The following POLA1 variants were observed in gnomAD, a reference collection of about 807,000 sequenced individuals.
POLA1 encodes DNA polymerase alpha catalytic subunit.
A neutral mutation model predicts 124.0 loss-of-function variants in POLA1; 15 were observed. The ratio of observed to expected loss-of-function variants is 0.12; its 90% CI spans 0.08 to 0.19. The LOEUF (loss-of-function observed/expected upper bound fraction) is 0.19. Among genes scored for constraint, POLA1 ranks in the 10% least tolerant of loss-of-function variants. The pLI is 1.00. For missense variants in POLA1, 886 were observed against 1,103.4 expected (o/e 0.80, Z 2.79); for synonymous variants, 408 against 389.4 (o/e 1.05, Z -0.56).
chrX:24,793,813 G>T (rs1336680214), intron 26 of POLA1, among the ~76,000 whole-genome samples: 1 of 110,261 alleles, frequency 9.1e-6, no homozygotes, highest in Non-Finnish European at 1.9e-5. Flanking sequence ...TTGAACTCCT[G>T]ACCTCAGGTG....
chrX:24,958,050 G>A (rs1482937949), intron 36 of POLA1, among the ~76,000 whole-genome samples: 2 of 110,720 alleles, frequency 1.8e-5, no homozygotes, highest in Non-Finnish European at 3.8e-5. Context: ...AGCCTCAGCT[G>A]TATATTGGGA....
At chrX:24,903,909 CTTT>C (rs1174353237) in intron 35 of POLA1, among the ~76,000 whole-genome samples, 1 of 95,950 alleles carries the variant, frequency 1.0e-5, no homozygotes, top group Non-Finnish European at 2.1e-5. Flanking sequence ...GACCAGATTT[CTTT>C]TTTTTTTTTC....
chrX:24,876,591 C>A (rs1171345905), intron 34 of POLA1, among the ~76,000 whole-genome samples: 1 of 100,885 alleles, frequency 9.9e-6, no homozygotes, highest in Admixed American at 1.2e-4. Flanking sequence ...AGCATGAGAA[C>A]AATATTCTGC....
Position 24,843,697 on chromosome X carries a change from T to C in POLA1, c.4047+20T>C. On this transcript the variant is annotated intron_variant, in intron 34 of 36. Coordinates refer to ENST00000379068, the MANE Select transcript of POLA1 (RefSeq NM_001330360.2). ...TATGATGTAAGTATCCATAATGATA[T>C]TCTTACATACACAACTTATTGAGGT... 2 of 1,069,986 alleles carry C rather than the reference T, an allele frequency of 1.9e-6. No homozygotes were observed. The highest frequency in any genetic ancestry group is 2.5e-6 in the Non-Finnish European group (2 of 789,725). 88.2% of individuals were successfully genotyped at this position (1,069,986 alleles called of 1,213,427 possible).
chrX:24,776,700 T>C (rs894088470), intron 26 of POLA1, among the ~76,000 whole-genome samples: 1 of 112,180 alleles, frequency 8.9e-6, no homozygotes, highest in African/African-American at 3.2e-5. Context: ...TTATTTCTTA[T>C]TTTCTCAAGT....
intron 34 of POLA1, among the ~76,000 whole-genome samples, chrX:24,877,745 A>G (rs777796498): frequency 4.5e-5 from 5 of 111,636 alleles, no homozygotes; most frequent in Admixed American, 9.5e-5. Flanking sequence ...GTTAAAATCT[A>G]CCTTGCAATT....
intron 34 of POLA1, among the ~76,000 whole-genome samples, chrX:24,881,637 C>T (rs2047001875): frequency 9.0e-6 from 1 of 111,360 alleles, no homozygotes; most frequent in Non-Finnish European, 1.9e-5. Context: ...CCCCAGGGGA[C>T]CGACCATCCA....
intron 32 of POLA1, among the ~76,000 whole-genome samples, chrX:24,837,696 T>C (rs1209288781): frequency 8.9e-6 from 1 of 112,335 alleles, no homozygotes; most frequent in African/African-American, 3.2e-5. Flanking sequence ...ATGGTTTACT[T>C]CCTCTAAGAA....
At chrX:24,876,689 G>A (rs368925941) in intron 34 of POLA1, among the ~76,000 whole-genome samples, 2 of 98,534 alleles carry the variant, frequency 2.0e-5, no homozygotes, top group Non-Finnish European at 4.1e-5. Context: ...GTCGGGGGGG[G>A]GGATAGTGGT....
chrX:24,958,982 A>G (rs1444093559), intron 36 of POLA1, among the ~76,000 whole-genome samples: 1 of 111,767 alleles, frequency 8.9e-6, no homozygotes, highest in African/African-American at 3.3e-5. Flanking sequence ...ATCCACTGAG[A>G]TGTCTGTCCC....
chrX:24,802,353 A>G (rs1602413085), intron 26 of POLA1, among the ~76,000 whole-genome samples: 1 of 111,689 alleles, frequency 9.0e-6, no homozygotes, highest in African/African-American at 3.3e-5. Context: ...AGAGCATGTA[A>G]AAACACAGAA....
Position 24,735,504 on chromosome X carries a change from A to G in POLA1, c.1923+16A>G. 1 of 992,117 alleles carries G rather than the reference A, an allele frequency of 1.0e-6. No homozygotes were observed. Among genetic ancestry groups the G allele is most frequent in the Non-Finnish European group, 1.4e-6 (1 of 696,729 alleles). The allele number at this position is 992,117 out of a possible 1,213,427, so 81.8% of individuals were successfully genotyped here. On this transcript the variant is annotated intron_variant, in intron 18 of 36. Coordinates refer to ENST00000379068, the MANE Select transcript of POLA1 (RefSeq NM_001330360.2). Reference sequence around the variant, plus strand: ...TATCATTGTGGTGAGTAGATGTTTGATCATGTTGTGGGGAAGCTCTTCATT... The same window carrying G: ...TATCATTGTGGTGAGTAGATGTTTGGTCATGTTGTGGGGAAGCTCTTCATT...
intron 36 of POLA1, among the ~76,000 whole-genome samples, chrX:24,978,035 C>T (rs1315718221): frequency 1.8e-5 from 2 of 111,982 alleles, no homozygotes; most frequent in Non-Finnish European, 3.8e-5. Context: ...GCTTTTGCTG[C>T]CAGCACCTCC....
intron 26 of POLA1, among the ~76,000 whole-genome samples, chrX:24,801,645 T>C (rs2045705700): frequency 2.7e-5 from 3 of 111,276 alleles, no homozygotes; most frequent in Admixed American, 1.9e-4. Flanking sequence ...AATAAGTAGA[T>C]GTTAGGTAAT....
At chrX:24,900,976 A>G (rs1259508860) in intron 35 of POLA1, among the ~76,000 whole-genome samples, 1 of 112,014 alleles carries the variant, frequency 8.9e-6, no homozygotes, top group Non-Finnish European at 1.9e-5. Context: ...TCATAGTTAT[A>G]AATAATGTTA....
Position 24,757,969 on chromosome X carries a change from G to A in POLA1, c.2964+8977G>A, listed in dbSNP as rs7059854. On this transcript the variant is annotated intron_variant, in intron 26 of 36. Transcript: ENST00000379068. ...TTATCTGCAGATCGTTTATATTGAT[G>A]AACTTGTACTAAGGAACCATCTGTT... Among the ~76,000 whole-genome samples, 659 of 111,273 alleles carry A rather than the reference G, an allele frequency of 5.9e-3. 6 individuals are homozygous for A. Among genetic ancestry groups the A allele is most frequent in the African/African-American group, 0.02 (621 of 30,572 alleles).
intron 35 of POLA1, among the ~76,000 whole-genome samples, chrX:24,910,601 A>G (rs1450810956): frequency 4.5e-5 from 5 of 111,679 alleles, no homozygotes; most frequent in Non-Finnish European, 9.4e-5. Context: ...GTTAGAGTGG[A>G]TATATTAGTA....
At position 24,996,227 on chromosome X, in the gene POLA1, C is replaced by G. The variant is rs528496947; in HGVS notation, c.*277C>G. The stretch of plus-strand genomic sequence containing the variant: ...TCCCCTCCCCAAGCTCCTGAAGACC[C>G]GGTTTCTGAGGGAGGGAAATTGCTA... On this transcript the variant is annotated 3_prime_UTR_variant, in exon 37 of 37. Coordinates refer to ENST00000379068, the MANE Select transcript of POLA1 (RefSeq NM_001330360.2). The G allele has an allele frequency of 4.3e-6, 1 of 235,184 alleles. No individual in the cohort carries two copies. The highest frequency in any genetic ancestry group is 2.8e-5 in the African/African-American group (1 of 35,142). The allele number at this position is 235,184 out of a possible 1,213,427, so 19.4% of individuals were successfully genotyped here.
chrX:24,748,799 A>G, intron 25 of POLA1, 71 bp from the exon 26 acceptor site: 2 of 1,071,291 alleles, frequency 1.9e-6, no homozygotes, highest in Non-Finnish European at 2.6e-6. Flanking sequence ...GGAGATCTAG[A>G]AAGACATCTA....
Sources: allele counts gnomAD v4.1 joint callset (sites outside exome capture counted in the v4.1 genomes callset), GRCh38; gene constraint gnomAD v4.1.1; transcripts MANE v1.5; gene names NCBI Gene and HGNC (gene_info 2026-07-23, HGNC 2026-07-21).